Variants in SLC26A5 observed in about 807,000 individuals in gnomAD.
The protein encoded by SLC26A5 is solute carrier family 26 member 5, also known as prestin.
A neutral mutation model predicts 81.0 loss-of-function variants in SLC26A5; 51 were observed. The ratio of observed to expected loss-of-function variants is 0.63; its 90% CI spans 0.50 to 0.80. The LOEUF (loss-of-function observed/expected upper bound fraction) is 0.80, where lower values mean the gene tolerates loss of function less well. SLC26A5 is among the 30% of genes least tolerant of loss of function. The pLI is 0.00. For synonymous variants in SLC26A5, 325 were observed against 332.8 expected (o/e 0.98, Z 0.25); for missense variants, 771 against 905.8 (o/e 0.85, Z 1.91).
In SLC26A5 at chr7:103,391,642, C is replaced by T; in HGVS notation, c.1213G>A (p.Gly405Arg). 1 of 1,614,088 alleles carries T rather than the reference C, an allele frequency of 6.2e-7. No homozygotes were observed. Among genetic ancestry groups the T allele is most frequent in the Non-Finnish European group, 8.5e-7 (1 of 1,179,986 alleles). ...CATACCTGTGTCTTCCCACCGGTTC[C>T]CTCCTGAACAAGGCTTCGAGACAAG... The part of the protein sequence containing the change: ...CSLSRSLVQE[G>R]TGGKTQLAGC... The change falls in exon 11 of 20, where the codon GGA becomes AGA. Residue 405 changes from glycine (G) to arginine (R), a missense_variant. Coordinates refer to ENST00000306312, the MANE Select transcript of SLC26A5 (RefSeq NM_198999.3).
At chr7:103,400,484 C>A (rs6465918) in intron 8 of SLC26A5, among the ~76,000 whole-genome samples, 2 of 151,358 alleles carry the variant, frequency 1.3e-5, no homozygotes, top group African/African-American at 4.8e-5. Flanking sequence ...GTCAGATGGA[C>A]AGATTGCAAA....
rs1820799963 is a variant in SLC26A5, at chr7:103,367,879, T to C, written c.2041+8929A>G. ...GGCTGCTTTAATTAAGCCCGTTTAT[T>C]TTCTTTTTGTTTGAAAGGTGCTGAG... On this transcript the variant is annotated intron_variant, in intron 19 of 19. Coordinates refer to the SLC26A5 transcript ENST00000339444. The surrounding 1 kb of genome is among the most constrained non-coding windows in gnomAD (Gnocchi z 6.1). 6.2e-7 allele frequency: 1 copy of C among 1,611,764 alleles called. No individual in the cohort carries two copies. Among genetic ancestry groups the C allele is most frequent in the East Asian group, 2.2e-5 (1 of 44,856 alleles).
At chr7:103,432,036 C>G (rs1237233511) in intron 2 of SLC26A5, among the ~76,000 whole-genome samples, 1 of 152,124 alleles carries the variant, frequency 6.6e-6, no homozygotes, top group African/African-American at 2.4e-5. Flanking sequence ...GTGTCTCAAC[C>G]TCTTGAGTAG....
downstream of SLC26A5, among the ~76,000 whole-genome samples, chr7:103,373,976 G>C (rs756553066): frequency 2.0e-5 from 3 of 152,084 alleles, no homozygotes; most frequent in Non-Finnish European, 2.9e-5. Context: ...TGCAGTTCCT[G>C]TCTTCTGTTA....
chr7:103,421,694 T>C (rs1825365340), intron 2 of SLC26A5, 127 bp from the exon 3 acceptor site: 2 of 642,182 alleles, frequency 3.1e-6, no homozygotes, highest in South Asian at 1.8e-5. Context: ...GAGGACCTAA[T>C]GTATTGATCT....
chr7:103,394,716 G>A (rs1822949127), intron 9 of SLC26A5, among the ~76,000 whole-genome samples: 1 of 152,070 alleles, frequency 6.6e-6, no homozygotes, highest in Non-Finnish European at 1.5e-5. Context: ...CCTCCAAATA[G>A]GCCACCAGTC....
chr7:103,407,061 C>T (rs2116618818), intron 8 of SLC26A5, among the ~76,000 whole-genome samples: 1 of 152,334 alleles, frequency 6.6e-6, no homozygotes, highest in Middle Eastern at 3.4e-3. Context: ...CCCAGTGAAA[C>T]AGTGACATCT....
At chr7:103,372,054 T>C (rs557625774), downstream of SLC26A5, among the ~76,000 whole-genome samples, 13 of 152,332 alleles carry the variant, frequency 8.5e-5, no homozygotes, top group Non-Finnish European at 1.6e-4. Flanking sequence ...TGAAATGATA[T>C]TAGCTCGTTT....
chr7:103,355,078 A>G, intron 19 of SLC26A5: 1 of 683,508 alleles, frequency 1.5e-6, no homozygotes. Flanking sequence ...CCTTTCTGTT[A>G]AGAAATTAGA....
intron 7 of SLC26A5, among the ~76,000 whole-genome samples, chr7:103,409,984 G>C (rs1046283968): frequency 6.6e-6 from 1 of 152,144 alleles, no homozygotes; most frequent in Admixed American, 6.5e-5. Flanking sequence ...TGGGATTACA[G>C]GCATAAGCCA....
chr7:103,390,361 A>T, intron 12 of SLC26A5, 68 bp downstream of exon 12: 1 of 1,389,966 alleles, frequency 7.2e-7, no homozygotes, highest in East Asian at 2.3e-5. Flanking sequence ...CCATAAGAAC[A>T]TAAACAAATA....
intron 8 of SLC26A5, among the ~76,000 whole-genome samples, chr7:103,404,323 C>T (rs1248788013): frequency 3.3e-5 from 5 of 152,202 alleles, no homozygotes; most frequent in South Asian, 2.1e-4. Context: ...TGGCTGGTAC[C>T]GGGTTTTCCT....
Position 103,377,817 on chromosome 7 carries a change from C to A in SLC26A5, c.1786-18G>T, listed in dbSNP as rs1821471928. 1 of 1,611,470 alleles carries A rather than the reference C, an allele frequency of 6.2e-7. No individual in the cohort carries two copies. Among genetic ancestry groups the A allele is most frequent in the Non-Finnish European group, 8.5e-7 (1 of 1,178,726 alleles). On this transcript the variant is annotated intron_variant, in intron 17 of 19. Transcript: ENST00000306312. ...TCTGCATCCTGTGTCAAAAATTAAA[C>A]CAAACCAGAATTTTATGAACAACTC... is the stretch of plus-strand genomic sequence containing the variant.
downstream of SLC26A5, among the ~76,000 whole-genome samples, chr7:103,372,738 T>C (rs1380569314): frequency 6.6e-6 from 1 of 152,188 alleles, no homozygotes; most frequent in Non-Finnish European, 1.5e-5. Context: ...TACTTCATGA[T>C]TAGCAACAAT....
At chr7:103,424,302 G>A (rs188973682) in intron 2 of SLC26A5, among the ~76,000 whole-genome samples, 49 of 152,068 alleles carry the variant, frequency 3.2e-4, no homozygotes, top group Non-Finnish European at 3.7e-4. Context: ...CTTGGTATAC[G>A]CTTCCATTCT....
chr7:103,378,436 G>C lies in SLC26A5; in HGVS notation c.1785+10C>G, dbSNP rs762841253. 6.2e-6 allele frequency: 10 copies of C among 1,611,412 alleles called. No individual in the cohort carries two copies. The Admixed American group carries it at 1.7e-4, about 27-fold the overall frequency. On this transcript the variant is annotated intron_variant, in intron 17 of 19. Transcript: ENST00000306312. ...ACAGAACGGATTATTTCAATGAAAA[G>C]ACCACTCACTGCTTTGACAACAGTT... is the stretch of plus-strand genomic sequence containing the variant.
At chr7:103,443,969 G>C (rs1827077742) in intron 1 of SLC26A5, among the ~76,000 whole-genome samples, 1 of 152,154 alleles carries the variant, frequency 6.6e-6, no homozygotes, top group Non-Finnish European at 1.5e-5. Flanking sequence ...TTTTGAAAGA[G>C]TCCTGTCCCC....
intron 2 of SLC26A5, among the ~76,000 whole-genome samples, chr7:103,439,662 C>G (rs914041113): frequency 3.3e-5 from 5 of 152,112 alleles, no homozygotes; most frequent in African/African-American, 1.2e-4. Flanking sequence ...GCCTACCGAG[C>G]AGCTGGGATT....
At chr7:103,372,179 G>A (rs376129750), downstream of SLC26A5, among the ~76,000 whole-genome samples, 2 of 152,158 alleles carry the variant, frequency 1.3e-5, no homozygotes, top group African/African-American at 4.8e-5. Flanking sequence ...AAATAACTAA[G>A]CCAATCTAAA....
Sources: gnomAD v4.1 joint callset for allele counts (sites outside exome capture counted in the v4.1 genomes callset) on GRCh38, gnomAD v4.1.1 for gene constraint, Gnocchi (gnomAD v3.1) non-coding constraint, MANE v1.5 for transcripts, NCBI Gene and HGNC (gene_info 2026-07-23, HGNC 2026-07-21) for gene names.